Variants in TSPAN19 observed in about 807,000 individuals in gnomAD.
TSPAN19 encodes the protein tetraspanin 19.
A neutral mutation model predicts 35.1 loss-of-function variants in TSPAN19; 44 were observed. The observed-to-expected ratio is 1.25, with a 90% CI of 0.98 to 1.61. The LOEUF (loss-of-function observed/expected upper bound fraction) is 1.61. Ranked by LOEUF, TSPAN19 falls within the 40% of genes most tolerant of loss-of-function variation. The pLI, the probability that TSPAN19 is intolerant of heterozygous loss-of-function variation, is 0.00. For synonymous variants in TSPAN19, 79 were observed against 92.0 expected (o/e 0.86, Z 0.81); for missense variants, 290 against 280.0 (o/e 1.04, Z -0.26).
Position 85,019,677 on chromosome 12 carries a change from A to G in TSPAN19, c.399T>C (p.Asp133=), listed in dbSNP as rs1029685116. The G allele has an allele frequency of 2.7e-5, 44 of 1,610,334 alleles. No homozygotes were observed. The highest frequency in any genetic ancestry group is 3.7e-5 in the Non-Finnish European group (43 of 1,177,918). ...TCCACTTGGTTATATCTTCAGGCTT[A>G]TCTTTAGATCCATACTCAGAAATGA... is the stretch of plus-strand genomic sequence containing the variant. ...DFVISEYGSK[D]KPEDITKWTI... Residue 133 remains aspartate (D), a synonymous_variant, in exon 6 of 9, where the codon GAT becomes GAC. Coordinates refer to ENST00000532498, the MANE Select transcript of TSPAN19 (RefSeq NM_001100917.2).
Position 85,029,718 on chromosome 12 carries a change from C to T in TSPAN19, c.139+1G>A, listed in dbSNP as rs1373134946. 2.0e-6 allele frequency: 3 copies of T among 1,537,658 alleles called. No homozygotes were observed. Among genetic ancestry groups the T allele is most frequent in the African/African-American group, 2.8e-5 (2 of 71,934 alleles). On this transcript the variant is annotated splice_donor_variant, in intron 3 of 8. Transcript: ENST00000532498. LOFTEE classifies it high-confidence loss of function. ...AGAGAAAAACAAAAATAGATACATACCAAAAGCTGTTAAAAAATTATTTCT... is the reference window on the plus strand; with the variant it reads ...AGAGAAAAACAAAAATAGATACATATCAAAAGCTGTTAAAAAATTATTTCT...
intron 3 of TSPAN19, 26 bp downstream of exon 3, chr12:85,029,693 A>G: frequency 6.7e-7 from 1 of 1,497,712 alleles, no homozygotes; most frequent in East Asian, 2.5e-5. Flanking sequence ...TATTTCACTG[A>G]GAGAAAAACA....
At chr12:85,022,965 T>C (rs1449066544) in intron 5 of TSPAN19, among the ~76,000 whole-genome samples, 1 of 152,138 alleles carries the variant, frequency 6.6e-6, no homozygotes, top group East Asian at 1.9e-4. Context: ...ATTTGTTTCT[T>C]TGCAAAAACA....
chr12:85,017,532 T>C lies in TSPAN19; in HGVS notation c.518A>G (p.Gln173Arg), dbSNP rs780331599. The C allele has an allele frequency of 2.5e-5, 40 of 1,601,670 alleles. No homozygotes were observed. The Admixed American group carries it at 3.2e-4, about 13-fold the overall frequency. Reference sequence around the variant, plus strand: ...TGACTTTGTGCAAGAACATGGCACCTGTCCTGAATTTTCTTTGTTCTTATT... The same window carrying C: ...TGACTTTGTGCAAGAACATGGCACCCGTCCTGAATTTTCTTTGTTCTTATT... The part of the protein sequence containing the change: ...IKNKNKENSG[Q>R]VPCSCTKSTL... The change falls in exon 7 of 9, where the codon CAG (glutamine) becomes CGG (arginine). Residue 173 changes from glutamine (Q) to arginine (R), a missense_variant. Physicochemically the swap from Gln to Arg is conservative, Grantham distance 43. Transcript: ENST00000532498.
intron 3 of TSPAN19, 123 bp from the exon 4 acceptor site, chr12:85,028,146 C>T: frequency 1.4e-6 from 1 of 712,980 alleles, no homozygotes; most frequent in Non-Finnish European, 2.1e-6. Context: ...GTTGCCAAAC[C>T]ACTAGGATTC....
chr12:85,029,792 C>A lies in TSPAN19; in HGVS notation c.67-1G>T, dbSNP rs1187103654. 9 of 1,540,376 alleles carry A rather than the reference C, an allele frequency of 5.8e-6. No homozygotes were observed. The Admixed American group carries it at 8.3e-5, about 14-fold the overall frequency. The stretch of plus-strand genomic sequence containing the variant: ...ATCCCATGAATAAAAGTCCAAGAAC[C>A]TAAAAAAAGAAAGTCAATGCTTATT... On this transcript the variant is annotated splice_acceptor_variant, in intron 2 of 8. Transcript: ENST00000532498. LOFTEE classifies it high-confidence loss of function.
intron 5 of TSPAN19, among the ~76,000 whole-genome samples, chr12:85,022,866 C>T (rs1240499357): frequency 6.6e-6 from 1 of 152,052 alleles, no homozygotes; most frequent in South Asian, 2.1e-4. Context: ...TAATTAATCA[C>T]TCATCACTCT....
chr12:85,031,208 T>C (rs766184749), intron 1 of TSPAN19, among the ~76,000 whole-genome samples: 6 of 152,164 alleles, frequency 3.9e-5, no homozygotes, highest in Non-Finnish European at 8.8e-5. Context: ...TTGCTGTCAT[T>C]TGTTTTTTCT....
At chr12:85,017,294 A>G in intron 7 of TSPAN19, 162 bp downstream of exon 7, 2 of 620,462 alleles carry the variant, frequency 3.2e-6, no homozygotes, top group Non-Finnish European at 2.8e-6. Context: ...TGACACTACA[A>G]TTTACCTAAT....
At chr12:85,025,419 C>T (rs192606868) in intron 4 of TSPAN19, among the ~76,000 whole-genome samples, 40 of 152,112 alleles carry the variant, frequency 2.6e-4, no homozygotes, top group East Asian at 1.7e-3. Context: ...GGATTACAGG[C>T]GTGAGCCACC....
At chr12:85,026,519 C>A (rs1877421221) in intron 4 of TSPAN19, among the ~76,000 whole-genome samples, 1 of 152,010 alleles carries the variant, frequency 6.6e-6, no homozygotes, top group African/African-American at 2.4e-5. Context: ...GGTGGTAAAA[C>A]CCCAGAAGGA....
intron 4 of TSPAN19, among the ~76,000 whole-genome samples, chr12:85,025,404 G>A (rs1027775319): frequency 1.3e-5 from 2 of 151,866 alleles, no homozygotes; most frequent in Non-Finnish European, 2.9e-5. Flanking sequence ...CCTCCCAAAT[G>A]GTTGGGATTA....
At chr12:85,015,541 TAC>T (rs10549033) in intron 8 of TSPAN19, 14,911 of 146,500 alleles carry the variant, frequency 0.1, 1,146 homozygotes, top group African/African-American at 0.21. Flanking sequence ...TATGAACATA[TAC>T]ACACACACAC....
chr12:85,025,804 C>T (rs1051129982), intron 4 of TSPAN19, among the ~76,000 whole-genome samples: 6 of 170 alleles, frequency 0.035, no homozygotes, highest in African/African-American at 0.068. Context: ...GGATTACAGG[C>T]GTGAGCACCG....
intron 8 of TSPAN19, 46 bp downstream of exon 8, chr12:85,015,842 G>T: frequency 7.3e-7 from 1 of 1,378,394 alleles, no homozygotes; most frequent in Non-Finnish European, 1.0e-6. Flanking sequence ...ATTCTGTATA[G>T]CTTATACTTA....
intron 4 of TSPAN19, among the ~76,000 whole-genome samples, chr12:85,024,264 A>G (rs1026264068): frequency 6.6e-6 from 1 of 152,196 alleles, no homozygotes; most frequent in Non-Finnish European, 1.5e-5. Flanking sequence ...CTGCAGTCCT[A>G]AGGAATATCT....
intron 1 of TSPAN19, among the ~76,000 whole-genome samples, chr12:85,030,707 A>G (rs1877645018): frequency 6.6e-6 from 1 of 152,160 alleles, no homozygotes; most frequent in Non-Finnish European, 1.5e-5. Flanking sequence ...TAAAAAAACT[A>G]AAGTAGCTTT....
rs555786344 is a variant in TSPAN19 at position 85,015,906 on chromosome 12, A to G, written c.660T>C (p.Phe220=). The G allele has an allele frequency of 2.6e-6, 4 of 1,549,178 alleles. 1 individual carries two copies. The South Asian group carries it at 4.8e-5, about 19-fold the overall frequency. Residue 220 remains phenylalanine (F), a synonymous_variant, in exon 8 of 9, where the codon TTT becomes TTC. Transcript: ENST00000532498. ...VNVLTLIGIN[F]GLLTSEVFQV... ...AGCTTACCTCTGAAGTTAAAAGTCC[A>G]AAGTTAATTCCGATTAAGGTTAACA...
intron 1 of TSPAN19, chr12:85,035,341 T>C (rs1052034351): frequency 6.6e-6 from 1 of 152,108 alleles, no homozygotes; most frequent in African/African-American, 2.4e-5. Flanking sequence ...CAAATTCCAT[T>C]TGAGCATGGA....
Sources: gnomAD v4.1 joint callset for allele counts (sites outside exome capture counted in the v4.1 genomes callset) on GRCh38, gnomAD v4.1.1 for gene constraint, MANE v1.5 for transcripts, NCBI Gene and HGNC (gene_info 2026-07-23, HGNC 2026-07-21) for gene names.